Variants in WWP2 observed in about 807,000 individuals in gnomAD.
WWP2 encodes NEDD4-like E3 ubiquitin-protein ligase WWP2.
In WWP2, 57 loss-of-function variants were observed where a neutral mutation model predicts 121.0. That is an observed-to-expected ratio of 0.47 (90% CI 0.38 to 0.59). WWP2 has a LOEUF of 0.59. Ranked by LOEUF, WWP2 falls within the 20% of genes least tolerant of loss-of-function variation. WWP2 has a pLI of 0.00. For missense variants in WWP2, 962 were observed against 1,158.9 expected (o/e 0.83, Z 2.47); for synonymous variants, 449 against 441.3 (o/e 1.02, Z -0.22).
chr16:69,773,378 T>A (rs944505984), intron 1 of WWP2, among the ~76,000 whole-genome samples: 17 of 152,134 alleles, frequency 1.1e-4, no homozygotes, highest in Non-Finnish European at 2.1e-4. Context: ...TGGGTTTCAC[T>A]ATGTTGGCCG....
chr16:69,854,597 C>T (rs1415623065), intron 6 of WWP2, among the ~76,000 whole-genome samples: 1 of 151,916 alleles, frequency 6.6e-6, no homozygotes, highest in African/African-American at 2.4e-5. Context: ...GTCGCCCAGG[C>T]TGGAGTGCAG....
intron 1 of WWP2, among the ~76,000 whole-genome samples, chr16:69,778,473 C>T (rs1388528372): frequency 1.3e-5 from 2 of 151,948 alleles, no homozygotes; most frequent in Admixed American, 6.6e-5. Context: ...GTCATCTGTT[C>T]GTGTTGCTGA....
At chr16:69,768,647 A>T (rs1004865107) in intron 1 of WWP2, among the ~76,000 whole-genome samples, 4 of 152,114 alleles carry the variant, frequency 2.6e-5, no homozygotes, top group Admixed American at 1.3e-4. Flanking sequence ...ACAAGTACCA[A>T]GACATGGCAG....
In WWP2 at chr16:69,937,171, T is replaced by G; in HGVS notation, c.2171T>G (p.Phe724Cys). 1 of 1,613,996 alleles carries G rather than the reference T, an allele frequency of 6.2e-7. No individual in the cohort carries two copies. Among genetic ancestry groups the G allele is most frequent in the Non-Finnish European group, 8.5e-7 (1 of 1,179,992 alleles). ...TRGVEEQTKA[F>C]LDGFNEVAPL... ...GGCGTGGAAGAGCAGACCAAAGCCT[T>G]CCTGGATGGCTTCAACGAGGTGGCC... Residue 724 changes from phenylalanine (F) to cysteine (C), a missense_variant, in exon 20 of 24, where the codon TTC (phenylalanine) becomes TGC (cysteine). By Grantham distance (205) the Phe-to-Cys change is radical. Around this residue, in one of 3 missense-constraint regions of WWP2, gnomAD observed 606 missense variants for 772.6 expected, o/e 0.78. Coordinates refer to ENST00000359154, the MANE Select transcript of WWP2 (RefSeq NM_001270454.2). This position sits in a 1 kb window ranked among gnomAD's most constrained non-coding sequence, Gnocchi z 6.6.
chr16:69,814,571 C>T (rs1647506745), intron 4 of WWP2, among the ~76,000 whole-genome samples: 2 of 152,186 alleles, frequency 1.3e-5, no homozygotes, highest in African/African-American at 4.8e-5. Flanking sequence ...TTATGCTGTC[C>T]ATGTTCTGTG....
At chr16:69,815,932 A>G (rs1270087114) in intron 4 of WWP2, among the ~76,000 whole-genome samples, 1 of 152,050 alleles carries the variant, frequency 6.6e-6, no homozygotes, top group Admixed American at 6.6e-5. Flanking sequence ...TAATTTTTAA[A>G]TTTCTTGTAG....
chr16:69,763,452 C>T (rs1235380844), intron 1 of WWP2, among the ~76,000 whole-genome samples: 1 of 152,230 alleles, frequency 6.6e-6, no homozygotes, highest in Non-Finnish European at 1.5e-5. Flanking sequence ...TGCAGTGTAA[C>T]TGGAACGAAT....
intron 4 of WWP2, among the ~76,000 whole-genome samples, chr16:69,817,659 CTTTTTTTTTTT>C (rs200998762): frequency 0.035 from 4,217 of 119,956 alleles, 143 homozygotes; most frequent in East Asian, 0.15. Context: ...TTGTTAAACT[CTTTTTTTTTTT>C]TTTTTTTTTT....
chr16:69,810,757 C>CT (rs769856069), intron 4 of WWP2, among the ~76,000 whole-genome samples: 7,253 of 117,178 alleles, frequency 0.062, 659 homozygotes, highest in African/African-American at 0.2. Flanking sequence ...GAGGAATTTT[C>CT]TTTTTTTTTT....
chr16:69,917,304 T>C (rs1313470312), intron 9 of WWP2, among the ~76,000 whole-genome samples: 1 of 152,224 alleles, frequency 6.6e-6, no homozygotes, highest in Admixed American at 6.5e-5. Context: ...TCCAAAATAA[T>C]AGCCAGTGGC....
Position 69,799,404 on chromosome 16 carries a change from C to T in WWP2, c.340+109C>T. ...CCCAGGACTAGGGGCTGCAGTACCT[C>T]TGTTCTCCTTGGATGCTGTCTTTGG... On this transcript the variant is annotated intron_variant, in intron 4 of 23. Coordinates refer to ENST00000359154, the MANE Select transcript of WWP2 (RefSeq NM_001270454.2). This position sits in a 1 kb window ranked among gnomAD's most constrained non-coding sequence, Gnocchi z 4.5. 7.0e-7 allele frequency: 1 copy of T among 1,428,878 alleles called. No individual in the cohort carries two copies. The highest frequency in any genetic ancestry group is 9.3e-7 in the Non-Finnish European group (1 of 1,071,342). The allele number at this position is 1,428,878 out of a possible 1,614,324, so 88.5% of individuals were successfully genotyped here. A position where few individuals can be genotyped will look rare whatever the true frequency, so the allele number is the denominator to read the frequency against.
chr16:69,902,542 T>C (rs947966021), intron 8 of WWP2, among the ~76,000 whole-genome samples: 2 of 152,150 alleles, frequency 1.3e-5, no homozygotes, highest in Non-Finnish European at 2.9e-5. Flanking sequence ...CTTGGTGCTT[T>C]GAACACTGTT....
At chr16:69,891,681 C>G (rs1468857752) in intron 8 of WWP2, among the ~76,000 whole-genome samples, 1 of 152,186 alleles carries the variant, frequency 6.6e-6, no homozygotes, top group Non-Finnish European at 1.5e-5. Context: ...ATTCCCTTGG[C>G]TGCCTCTGGG....
At chr16:69,916,050 AAT>A (rs1162100034) in intron 9 of WWP2, among the ~76,000 whole-genome samples, 2 of 152,006 alleles carry the variant, frequency 1.3e-5, no homozygotes, top group Non-Finnish European at 2.9e-5. Context: ...AAAAAAAAAA[AAT>A]CTTTGGTAAC....
chr16:69,833,098 A>G (rs2056820388), intron 4 of WWP2, among the ~76,000 whole-genome samples: 1 of 152,050 alleles, frequency 6.6e-6, no homozygotes, highest in East Asian at 1.9e-4. Flanking sequence ...GACTCAAGCG[A>G]GCCCCCTGCC....
chr16:69,811,984 T>G (rs1354769418), intron 4 of WWP2, among the ~76,000 whole-genome samples: 1 of 152,094 alleles, frequency 6.6e-6, no homozygotes, highest in African/African-American at 2.4e-5. Flanking sequence ...ACTAAGAAAT[T>G]TCCCGTTTTT....
At chr16:69,830,463 A>G (rs747926257) in intron 4 of WWP2, among the ~76,000 whole-genome samples, 22 of 152,166 alleles carry the variant, frequency 1.4e-4, no homozygotes, top group Non-Finnish European at 2.4e-4. Flanking sequence ...AAATGAGGCT[A>G]TTTTCTCTAG....
intron 8 of WWP2, among the ~76,000 whole-genome samples, chr16:69,889,804 G>A (rs1344352798): frequency 6.6e-6 from 1 of 152,142 alleles, no homozygotes. Flanking sequence ...TCTGGTTGAC[G>A]ATGACTTGGT....
intron 8 of WWP2, among the ~76,000 whole-genome samples, chr16:69,893,560 T>G (rs1163594261): frequency 1.4e-5 from 2 of 142,014 alleles, no homozygotes; most frequent in African/African-American, 3.1e-5. Context: ...CTGTTTTTTT[T>G]GTTTGTTTGT....
Sources: gnomAD v4.1 joint callset for allele counts (sites outside exome capture counted in the v4.1 genomes callset) on GRCh38, gnomAD v4.1.1 for gene constraint, gnomAD v4.1.1 regional missense constraint, Gnocchi (gnomAD v3.1) non-coding constraint, MANE v1.5 for transcripts, NCBI Gene and HGNC (gene_info 2026-07-23, HGNC 2026-07-21) for gene names.